Variants in EXOC4 observed in about 807,000 individuals in gnomAD.
The protein encoded by EXOC4 is exocyst complex component 4, also known as SEC8-like 1.
Under a neutral mutation model 107.2 loss-of-function variants are expected in EXOC4, and 71 were observed. The ratio of observed to expected loss-of-function variants is 0.66; its 90% CI spans 0.55 to 0.81. EXOC4 has a LOEUF of 0.81. Ranked by LOEUF, EXOC4 falls within the 30% of genes least tolerant of loss-of-function variation. EXOC4 has a pLI of 0.00. For missense variants in EXOC4, 1,108 were observed against 1,189.6 expected, an observed-to-expected ratio of 0.93 and a Z score of 1.01; for synonymous variants, 456 against 441.2, an observed-to-expected ratio of 1.03 and a Z score of -0.42.
chr7:133,265,646 A>T (rs1322726317), intron 1 of EXOC4, among the ~76,000 whole-genome samples: 1 of 152,126 alleles, frequency 6.6e-6, no homozygotes, highest in Non-Finnish European at 1.5e-5. Flanking sequence ...TCTACTTGTA[A>T]TTAGTTTTTC....
intron 7 of EXOC4, among the ~76,000 whole-genome samples, chr7:133,461,454 T>C (rs1001850629): frequency 6.6e-6 from 1 of 152,208 alleles, no homozygotes; most frequent in Admixed American, 6.5e-5. Flanking sequence ...TATAGGCAAA[T>C]ATTTTTTTAT....
At chr7:134,100,935 T>G in the EXOC4 span, among the ~76,000 whole-genome samples, 2 of 124,326 alleles carry the variant, frequency 1.6e-5, 1 homozygote, top group African/African-American at 5.6e-5. Flanking sequence ...AGAGCAAGAC[T>G]CCATCTAAAA....
chr7:133,491,407 T>C (rs1257130933), intron 9 of EXOC4, among the ~76,000 whole-genome samples: 2 of 152,218 alleles, frequency 1.3e-5, no homozygotes, highest in African/African-American at 4.8e-5. Context: ...GTGATGTTCA[T>C]ATGTGGAATA....
chr7:133,535,807 C>T (rs1231352030), intron 9 of EXOC4, among the ~76,000 whole-genome samples: 1 of 152,124 alleles, frequency 6.6e-6, no homozygotes, highest in African/African-American at 2.4e-5. Flanking sequence ...TAAATATTTC[C>T]AGCATACATT....
chr7:133,430,288 T>G (rs1379922686), intron 7 of EXOC4, among the ~76,000 whole-genome samples: 2 of 152,134 alleles, frequency 1.3e-5, no homozygotes, highest in Admixed American at 6.5e-5. Flanking sequence ...CAATGGAGTT[T>G]GGGGTTTTTG....
intron 10 of EXOC4, among the ~76,000 whole-genome samples, chr7:133,632,242 G>C (rs6949187): frequency 0.4 from 60,397 of 151,826 alleles, 12,367 homozygotes; most frequent in South Asian, 0.53. Flanking sequence ...AATACTCCCA[G>C]TGGTTTTACT....
At chr7:133,992,999 T>G (rs757012660) in intron 14 of EXOC4, among the ~76,000 whole-genome samples, 1 of 152,096 alleles carries the variant, frequency 6.6e-6, no homozygotes, top group Non-Finnish European at 1.5e-5. Flanking sequence ...TGGCATCTGT[T>G]GAAATGATCA....
chr7:133,356,636 G>T (rs879026461), intron 6 of EXOC4, 63 bp downstream of exon 6: 3 of 1,572,566 alleles, frequency 1.9e-6, no homozygotes, highest in Admixed American at 3.5e-5. Flanking sequence ...CTAGGGTGGG[G>T]CGTAAGTAAC....
intron 17 of EXOC4, among the ~76,000 whole-genome samples, chr7:134,034,735 A>C (rs1361076899): frequency 6.6e-6 from 1 of 152,222 alleles, no homozygotes. Flanking sequence ...ACAGTTCCTT[A>C]TAGCAGTATG....
intron 10 of EXOC4, among the ~76,000 whole-genome samples, chr7:133,785,865 G>A (rs1343670066): frequency 6.6e-6 from 1 of 151,960 alleles, no homozygotes; most frequent in African/African-American, 2.4e-5. Context: ...ATAGAGATGG[G>A]GTTTCACCAT....
chr7:133,728,712 G>A (rs1440688966), intron 10 of EXOC4, among the ~76,000 whole-genome samples: 1 of 152,110 alleles, frequency 6.6e-6, no homozygotes, highest in Non-Finnish European at 1.5e-5. Flanking sequence ...TTGGCCAATA[G>A]CATTAACAAG....
rs149798025 is a variant in EXOC4, at chr7:134,007,581, G to C, written c.2528-95G>C. ...TTCTTTGGTCGTTTAAATGTATAGA[G>C]GATTAGAAGACAGCAATTCTGTGTG... On this transcript the variant is annotated intron_variant, in intron 16 of 17. Transcript: ENST00000253861. 1,271 of 1,198,262 alleles carry C rather than the reference G, an allele frequency of 1.1e-3. 11 individuals are homozygous for C. In the African/African-American group the frequency reaches 0.018, roughly 17 times the overall value. The allele number at this position is 1,198,262 out of a possible 1,614,324, so 74.2% of individuals were successfully genotyped here. A position where few individuals can be genotyped will look rare whatever the true frequency, so the allele number is the denominator to read the frequency against.
intron 14 of EXOC4, among the ~76,000 whole-genome samples, chr7:133,971,497 T>G (rs1004357424): frequency 4.0e-5 from 6 of 150,974 alleles, no homozygotes; most frequent in African/African-American, 1.5e-4. Context: ...ATAAATATAT[T>G]TTTTCTTATA....
At chr7:133,369,937 T>C (rs1796333858) in intron 6 of EXOC4, among the ~76,000 whole-genome samples, 1 of 150,712 alleles carries the variant, frequency 6.6e-6, no homozygotes, top group Non-Finnish European at 1.5e-5. Flanking sequence ...CCCGAGTAGC[T>C]GGGATTACAG....
chr7:133,498,179 A>C (rs1204481529), intron 9 of EXOC4, among the ~76,000 whole-genome samples: 1 of 152,160 alleles, frequency 6.6e-6, no homozygotes, highest in Non-Finnish European at 1.5e-5. Flanking sequence ...CACTATTGAT[A>C]AACCTGAAAG....
intron 9 of EXOC4, among the ~76,000 whole-genome samples, chr7:133,546,253 C>CTTTT (rs368101148): frequency 3.1e-4 from 37 of 119,290 alleles, no homozygotes; most frequent in South Asian, 8.0e-4. Flanking sequence ...AGCTGGAAAA[C>CTTTT]TTTTTTTTTT....
chr7:134,007,384 T>C (rs1396144551), intron 16 of EXOC4, among the ~76,000 whole-genome samples: 3 of 152,146 alleles, frequency 2.0e-5, no homozygotes, highest in Admixed American at 2.0e-4. Context: ...ACCTGGCCTC[T>C]TCTCTAAGGC....
At chr7:133,257,377 C>CAA (rs1795043914) in intron 1 of EXOC4, among the ~76,000 whole-genome samples, 1 of 152,028 alleles carries the variant, frequency 6.6e-6, no homozygotes, top group South Asian at 2.1e-4. Flanking sequence ...CACACACACA[C>CAA]ACACACACGT....
At chr7:133,580,586 A>G (rs191073507) in intron 9 of EXOC4, among the ~76,000 whole-genome samples, 19 of 152,340 alleles carry the variant, frequency 1.2e-4, no homozygotes, top group Non-Finnish European at 2.4e-4. Context: ...AGAGGTGTAA[A>G]GTAAACTTGA....
Sources: allele counts gnomAD v4.1 joint callset (sites outside exome capture counted in the v4.1 genomes callset), GRCh38; gene constraint gnomAD v4.1.1; transcripts MANE v1.5; gene names NCBI Gene and HGNC (gene_info 2026-07-23, HGNC 2026-07-21).